Variants in KCNMA1 observed in about 807,000 individuals in gnomAD.
KCNMA1 encodes Calcium-activated potassium channel subunit alpha-1.
In KCNMA1, 29 loss-of-function variants were observed where a neutral mutation model predicts 140.0. The ratio of observed to expected loss-of-function variants is 0.21; its 90% CI spans 0.15 to 0.28. The LOEUF (loss-of-function observed/expected upper bound fraction) is 0.28, where lower values mean the gene tolerates loss of function less well. KCNMA1 is among the 10% of genes least tolerant of loss of function. The pLI is 1.00. For missense variants in KCNMA1, 880 were observed against 1,602.2 expected (o/e 0.55, Z 7.70); for synonymous variants, 612 against 611.9 (o/e 1.00, Z 0.00).
At chr10:76,987,239 C>A (rs1266767713) in intron 19 of KCNMA1, among the ~76,000 whole-genome samples, 1 of 152,068 alleles carries the variant, frequency 6.6e-6, no homozygotes, top group African/African-American at 2.4e-5. Flanking sequence ...AATTCAAAGA[C>A]CAATTTTGAC....
chr10:77,362,802 A>T (rs2094083411), intron 2 of KCNMA1, among the ~76,000 whole-genome samples: 1 of 152,174 alleles, frequency 6.6e-6, no homozygotes, highest in Non-Finnish European at 1.5e-5. Flanking sequence ...AAATCTCTTC[A>T]CGGACCGCTT....
chr10:77,490,689 C>T (rs1009067896), intron 1 of KCNMA1, among the ~76,000 whole-genome samples: 2 of 152,216 alleles, frequency 1.3e-5, no homozygotes, highest in African/African-American at 4.8e-5. Flanking sequence ...CCTAAAGTCA[C>T]AGACTCTGCC....
At chr10:77,367,137 G>T (rs912648358) in intron 2 of KCNMA1, among the ~76,000 whole-genome samples, 1 of 152,158 alleles carries the variant, frequency 6.6e-6, no homozygotes, top group Non-Finnish European at 1.5e-5. Context: ...GTCGGGGATG[G>T]CTTCCCTGGG....
chr10:77,043,973 T>A (rs1430256473), intron 14 of KCNMA1, among the ~76,000 whole-genome samples: 1 of 152,194 alleles, frequency 6.6e-6, no homozygotes, highest in Non-Finnish European at 1.5e-5. Context: ...TTAAAAATGA[T>A]TAAGATAGTA....
intron 19 of KCNMA1, chr10:76,977,591 C>A (rs1254020314): frequency 1.4e-6 from 1 of 702,960 alleles, no homozygotes; most frequent in Non-Finnish European, 2.6e-6. Flanking sequence ...AATCTTCTCA[C>A]ATTTCCCTTG....
rs572882658 is a variant in KCNMA1 at position 77,481,808 on chromosome 10, T to C, written c.379-77785A>G. ...AAAAAAAAAGAAAGAAACTAACAGG[T>C]GCCAGGTACTAGGCTTTTGATATAA... On this transcript the variant is annotated intron_variant, in intron 1 of 27. Coordinates refer to ENST00000286628, the MANE Select transcript of KCNMA1 (RefSeq NM_001161352.2). Among the ~76,000 whole-genome samples the C allele has an allele frequency of 2.8e-5, 4 of 145,110 alleles. No individual in the cohort carries two copies. In the Admixed American group the frequency reaches 2.8e-4, roughly 10 times the overall value.
intron 19 of KCNMA1, among the ~76,000 whole-genome samples, chr10:76,988,574 A>G (rs1453099029): frequency 1.3e-5 from 2 of 152,180 alleles, no homozygotes; most frequent in East Asian, 3.9e-4. Context: ...GATCAAGACC[A>G]TCATCAAAAA....
intron 5 of KCNMA1, among the ~76,000 whole-genome samples, chr10:77,175,725 C>T (rs558106443): frequency 6.6e-6 from 1 of 152,120 alleles, no homozygotes; most frequent in Non-Finnish European, 1.5e-5. Flanking sequence ...AGGATTACAA[C>T]CTGCAGAGTC....
chr10:77,012,072 C>A, intron 17 of KCNMA1, 29 bp from the exon 18 acceptor site: 1 of 1,612,842 alleles, frequency 6.2e-7, no homozygotes, highest in Non-Finnish European at 8.5e-7. Context: ...AAAACTGACA[C>A]GTTTCATAAT....
chr10:77,408,358 G>A (rs867731404), intron 1 of KCNMA1, among the ~76,000 whole-genome samples: 19 of 152,226 alleles, frequency 1.2e-4, no homozygotes, highest in Admixed American at 3.3e-4. Context: ...CCCGATGTCA[G>A]TCAGGAAATC....
At chr10:77,029,069 A>G (rs1169667521) in intron 15 of KCNMA1, among the ~76,000 whole-genome samples, 1 of 152,186 alleles carries the variant, frequency 6.6e-6, no homozygotes, top group Non-Finnish European at 1.5e-5. Flanking sequence ...AAAAGACATG[A>G]ACATGTAAAT....
intron 5 of KCNMA1, among the ~76,000 whole-genome samples, chr10:77,123,152 C>T (rs577991894): frequency 1.6e-5 from 2 of 123,898 alleles, no homozygotes; most frequent in Non-Finnish European, 3.2e-5. Context: ...TGCACTCCAG[C>T]CTGGGCGACA....
At chr10:77,312,626 A>T (rs984538021) in intron 2 of KCNMA1, among the ~76,000 whole-genome samples, 1 of 152,210 alleles carries the variant, frequency 6.6e-6, no homozygotes, top group African/African-American at 2.4e-5. Flanking sequence ...ATTCTGTCTC[A>T]AAAAATAAAG....
intron 20 of KCNMA1, among the ~76,000 whole-genome samples, chr10:76,955,376 C>T (rs191974746): frequency 2.6e-5 from 4 of 152,174 alleles, no homozygotes; most frequent in South Asian, 2.1e-4. Flanking sequence ...ATAACTACCA[C>T]GACCCTCCAA....
At chr10:77,413,243 G>A (rs925418660) in intron 1 of KCNMA1, among the ~76,000 whole-genome samples, 2 of 152,092 alleles carry the variant, frequency 1.3e-5, no homozygotes, top group African/African-American at 4.8e-5. Context: ...ATCCAGAAGT[G>A]TCTGAACCTC....
At chr10:77,208,510 C>T (rs187479291) in intron 3 of KCNMA1, among the ~76,000 whole-genome samples, 13 of 151,604 alleles carry the variant, frequency 8.6e-5, no homozygotes, top group African/African-American at 1.9e-4. Flanking sequence ...GTAAATAAAA[C>T]GTTTTAAAAA....
chr10:77,293,857 G>T (rs1265578351), intron 2 of KCNMA1, among the ~76,000 whole-genome samples: 2 of 152,220 alleles, frequency 1.3e-5, no homozygotes, highest in African/African-American at 4.8e-5. Flanking sequence ...TAGGTTGTTT[G>T]CTCCTTTAAT....
rs758800638 is a variant in KCNMA1 at position 76,953,824 on chromosome 10, T to C, written c.2461A>G (p.Lys821Glu). The C allele has an allele frequency of 1.2e-6, 2 of 1,614,106 alleles. No homozygotes were observed. The highest frequency in any genetic ancestry group is 1.7e-5 in the Admixed American group (1 of 60,018). ...STGMFHWCAP[K>E]EIEKVILTRS... The stretch of plus-strand genomic sequence containing the variant: ...ACCAGGATGACTTTCTCTATCTCCT[T>C]GGGTGCACACCAGTGAAACATCCCA... Residue 821 changes from lysine (K) to glutamate (E), a missense_variant, in exon 21 of 28, where the codon AAG (lysine) becomes GAG (glutamate). This residue lies in a region of KCNMA1 where 82 missense variants were observed against 170.1 expected (regional missense o/e 0.48). Coordinates refer to ENST00000286628, the MANE Select transcript of KCNMA1 (RefSeq NM_001161352.2).
intron 18 of KCNMA1, among the ~76,000 whole-genome samples, chr10:77,002,198 A>G (rs2086695250): frequency 1.3e-5 from 2 of 152,180 alleles, no homozygotes; most frequent in Admixed American, 1.3e-4. Flanking sequence ...GGCTACAGGA[A>G]TTTAAATTTA....
Sources: gnomAD v4.1 joint callset for allele counts (sites outside exome capture counted in the v4.1 genomes callset) on GRCh38, gnomAD v4.1.1 for gene constraint, gnomAD v4.1.1 regional missense constraint, MANE v1.5 for transcripts, NCBI Gene and HGNC (gene_info 2026-07-23, HGNC 2026-07-21) for gene names.